Variants in TMEM117 observed in about 807,000 individuals in gnomAD.
The protein encoded by TMEM117 is transmembrane protein 117.
A neutral mutation model predicts 52.4 loss-of-function variants in TMEM117; 27 were observed. That is an observed-to-expected ratio of 0.51 (90% CI 0.38 to 0.71). The LOEUF is 0.71. Ranked by LOEUF, TMEM117 falls within the 30% of genes least tolerant of loss-of-function variation. TMEM117 has a pLI of 0.00. For missense variants in TMEM117, 556 were observed against 630.5 expected (o/e 0.88, Z 1.26); for synonymous variants, 215 against 206.3 (o/e 1.04, Z -0.36).
At chr12:44,011,087 A>AT (rs574623990) in intron 3 of TMEM117, among the ~76,000 whole-genome samples, 168 of 152,060 alleles carry the variant, frequency 1.1e-3, no homozygotes, top group African/African-American at 2.4e-3. Flanking sequence ...AAATTTTCTC[A>AT]TTTTTTTCTT....
intron 3 of TMEM117, among the ~76,000 whole-genome samples, chr12:44,079,313 A>G (rs1425353623): frequency 2.0e-5 from 3 of 152,138 alleles, no homozygotes; most frequent in South Asian, 4.1e-4. Flanking sequence ...GGTTGAACTA[A>G]TTTACACTCC....
At chr12:44,161,251 TAAAC>T (rs1423606298) in intron 4 of TMEM117, among the ~76,000 whole-genome samples, 2 of 152,218 alleles carry the variant, frequency 1.3e-5, no homozygotes, top group East Asian at 3.8e-4. Flanking sequence ...CCTATCTTAA[TAAAC>T]AAAATTATAA....
the TMEM117 span, chr12:43,805,802 T>C: frequency 1.5e-6 from 2 of 1,363,060 alleles, no homozygotes; most frequent in Non-Finnish European, 1.9e-6. Flanking sequence ...TGTAATATTC[T>C]CCTTTGGACC....
intron 6 of TMEM117, among the ~76,000 whole-genome samples, chr12:44,350,531 T>C (rs1323316392): frequency 3.3e-5 from 5 of 151,940 alleles, no homozygotes. Context: ...TCCTTCCCAT[T>C]CTCTGGCAAC....
chr12:44,259,903 T>A (rs1950301729), intron 5 of TMEM117, among the ~76,000 whole-genome samples: 1 of 152,342 alleles, frequency 6.6e-6, no homozygotes, highest in Middle Eastern at 3.4e-3. Context: ...GTTTATGTAA[T>A]GATTTTTAGT....
chr12:44,177,631 A>G (rs1307708773), intron 4 of TMEM117, among the ~76,000 whole-genome samples: 6 of 152,278 alleles, frequency 3.9e-5, no homozygotes, highest in Non-Finnish European at 8.8e-5. Context: ...ATGCTTCAGG[A>G]AAGTTATTAA....
intron 2 of TMEM117, among the ~76,000 whole-genome samples, chr12:43,902,136 C>T (rs143000383): frequency 9.3e-4 from 141 of 152,256 alleles, no homozygotes; most frequent in African/African-American, 3.2e-3. Flanking sequence ...TCACACCTGA[C>T]GGTGTTAACT....
chr12:44,374,156 C>T (rs887541763), intron 6 of TMEM117, among the ~76,000 whole-genome samples: 4 of 152,062 alleles, frequency 2.6e-5, no homozygotes, highest in Non-Finnish European at 5.9e-5. Context: ...TACTTTTCTG[C>T]TCCAAGTCAA....
chr12:44,233,174 T>C (rs981718179), intron 5 of TMEM117, among the ~76,000 whole-genome samples: 21 of 151,234 alleles, frequency 1.4e-4, no homozygotes, highest in African/African-American at 4.8e-4. Flanking sequence ...ATGAGAAGAG[T>C]TGAGTTGTTA....
At chr12:44,286,138 T>C (rs1371038378) in intron 5 of TMEM117, among the ~76,000 whole-genome samples, 1 of 152,040 alleles carries the variant, frequency 6.6e-6, no homozygotes, top group East Asian at 1.9e-4. Context: ...TTTGGTTGCA[T>C]TCCAACATTT....
intron 3 of TMEM117, among the ~76,000 whole-genome samples, chr12:44,053,911 T>C (rs1947012402): frequency 6.6e-6 from 1 of 152,196 alleles, no homozygotes; most frequent in Non-Finnish European, 1.5e-5. Flanking sequence ...ACAGAACTAT[T>C]GCAACATGAA....
intron 3 of TMEM117, among the ~76,000 whole-genome samples, chr12:44,056,464 TAGAG>T (rs1182731800): frequency 1.3e-5 from 2 of 152,204 alleles, no homozygotes; most frequent in East Asian, 3.8e-4. Flanking sequence ...ATCTCTTTTC[TAGAG>T]AGTGTTTTAA....
intron 3 of TMEM117, among the ~76,000 whole-genome samples, chr12:44,089,529 ACCTTAAGC>A (rs1370905980): frequency 1.3e-5 from 2 of 151,934 alleles, no homozygotes; most frequent in Non-Finnish European, 2.9e-5. Flanking sequence ...GGCCCCTACC[ACCTTAAGC>A]CAGGTTGGCT....
chr12:44,270,486 A>T (rs1348097493), intron 5 of TMEM117, among the ~76,000 whole-genome samples: 1 of 152,140 alleles, frequency 6.6e-6, no homozygotes, highest in Non-Finnish European at 1.5e-5. Context: ...ACTTTGCTGA[A>T]TTCATTTATC....
At chr12:44,309,233 A>G (rs141884977) in intron 6 of TMEM117, among the ~76,000 whole-genome samples, 3,027 of 152,264 alleles carry the variant, frequency 0.02, 100 homozygotes, top group African/African-American at 0.069. Flanking sequence ...GCTGAAGCCC[A>G]GGGAGGTTCT....
At chr12:44,322,353 T>G (rs1489112699) in intron 6 of TMEM117, among the ~76,000 whole-genome samples, 3 of 152,210 alleles carry the variant, frequency 2.0e-5, no homozygotes, top group African/African-American at 7.2e-5. Flanking sequence ...AGAACATCTT[T>G]TTAAAATTGA....
At chr12:43,875,858 G>GT (rs527447743) in intron 2 of TMEM117, among the ~76,000 whole-genome samples, 15 of 151,112 alleles carry the variant, frequency 9.9e-5, no homozygotes, top group East Asian at 3.9e-4. Context: ...TATATATTAC[G>GT]TTTTTTTTTC....
intron 3 of TMEM117, among the ~76,000 whole-genome samples, chr12:43,973,171 G>A (rs991785509): frequency 6.6e-6 from 1 of 152,080 alleles, no homozygotes; most frequent in Non-Finnish European, 1.5e-5. Context: ...TCTGAAAACA[G>A]GTTTTTTCCC....
intron 2 of TMEM117, among the ~76,000 whole-genome samples, chr12:43,845,660 T>C (rs1320813853): frequency 6.6e-6 from 1 of 151,966 alleles, no homozygotes; most frequent in African/African-American, 2.4e-5. Flanking sequence ...AACATTTACA[T>C]TAGGTATTTC....
Sources: allele counts gnomAD v4.1 joint callset (sites outside exome capture counted in the v4.1 genomes callset), GRCh38; gene constraint gnomAD v4.1.1; transcripts MANE v1.5; gene names NCBI Gene and HGNC (gene_info 2026-07-23, HGNC 2026-07-21).